Variants in PPP2R2C observed in about 807,000 individuals in gnomAD.
PPP2R2C encodes the protein protein phosphatase 2 regulatory subunit Bgamma.
A neutral mutation model predicts 45.3 loss-of-function variants in PPP2R2C; 10 were observed. The observed-to-expected ratio is 0.22, with a 90% CI of 0.14 to 0.37. The LOEUF is 0.37. Among genes scored for constraint, PPP2R2C ranks in the 10% least tolerant of loss-of-function variants. PPP2R2C has a pLI of 1.00. For synonymous variants in PPP2R2C, 257 were observed against 245.4 expected (o/e 1.05, Z -0.44); for missense variants, 308 against 619.7 (o/e 0.50, Z 5.34).
intron 5 of PPP2R2C, among the ~76,000 whole-genome samples, chr4:6,357,693 C>T (rs1713335044): frequency 6.6e-6 from 1 of 152,176 alleles, no homozygotes; most frequent in Non-Finnish European, 1.5e-5. Flanking sequence ...ATCCCGGTCC[C>T]CCATCCACAG....
rs115620732 is a variant in PPP2R2C at position 6,488,054 on chromosome 4, C to T, written c.49+47217G>A. On this transcript the variant is annotated intron_variant, in intron 2 of 9. Transcript: ENST00000506140. Reference sequence around the variant, plus strand: ...TTTTCATATTATACATTGTAATTTTCATCTGTAGTAGTTTGATTTATGTCT... The same window carrying T: ...TTTTCATATTATACATTGTAATTTTTATCTGTAGTAGTTTGATTTATGTCT... Among the ~76,000 whole-genome samples, 899 of 152,204 alleles carry T rather than the reference C, an allele frequency of 5.9e-3. 7 individuals are homozygous for T. The highest frequency in any genetic ancestry group is 0.021 in the African/African-American group (852 of 41,520).
At chr4:6,366,475 G>T (rs181201011) in intron 5 of PPP2R2C, among the ~76,000 whole-genome samples, 3 of 152,352 alleles carry the variant, frequency 2.0e-5, no homozygotes, top group Non-Finnish European at 2.9e-5. Flanking sequence ...TGGAGCAGGG[G>T]ATGCAGAGAG....
chr4:6,359,640 A>G (rs1336070522), intron 5 of PPP2R2C, among the ~76,000 whole-genome samples: 1 of 145,080 alleles, frequency 6.9e-6, no homozygotes, highest in Non-Finnish European at 1.5e-5. Context: ...AAAAAAAAAG[A>G]AACTCCTTCA....
At chr4:6,327,513 C>A (rs1298939165) in intron 8 of PPP2R2C, among the ~76,000 whole-genome samples, 1 of 152,208 alleles carries the variant, frequency 6.6e-6, no homozygotes, top group Non-Finnish European at 1.5e-5. Flanking sequence ...GGGGACCTAC[C>A]CCGCAAAACG....
chr4:6,414,015 AT>A (rs1718383634), intron 1 of PPP2R2C: 1 of 1,532,332 alleles, frequency 6.5e-7, no homozygotes, highest in Non-Finnish European at 8.7e-7. Flanking sequence ...CCAAAACCAG[AT>A]CTATGTGGCC....
intron 1 of PPP2R2C, among the ~76,000 whole-genome samples, chr4:6,538,759 G>A (rs146170865): frequency 5.4e-4 from 82 of 152,310 alleles, no homozygotes; most frequent in Admixed American, 3.5e-3. Flanking sequence ...ACTTGTTCTC[G>A]TTACAAAGGC....
chr4:6,327,812 G>A (rs1156463478), intron 8 of PPP2R2C, among the ~76,000 whole-genome samples: 1 of 152,158 alleles, frequency 6.6e-6, no homozygotes, highest in Non-Finnish European at 1.5e-5. Flanking sequence ...CCCCTTGCCT[G>A]AGCTCGGGCT....
intron 1 of PPP2R2C, among the ~76,000 whole-genome samples, chr4:6,404,996 T>G (rs535944198): frequency 9.5e-4 from 144 of 152,252 alleles, no homozygotes; most frequent in African/African-American, 3.4e-3. Context: ...GTGACCTCCT[T>G]CCTAGAGTTA....
chr4:6,337,883 T>C (rs1733109557), intron 6 of PPP2R2C, among the ~76,000 whole-genome samples: 1 of 152,158 alleles, frequency 6.6e-6, no homozygotes, highest in Non-Finnish European at 1.5e-5. Context: ...GGAAGGGATA[T>C]TAATAAGCCT....
rs73798203 is a variant in PPP2R2C, at chr4:6,361,926, G to A, written c.625+10597C>T. 4.1e-3 allele frequency among the ~76,000 whole-genome samples: 628 copies of A among 152,300 alleles called. 4 individuals carry two copies. Among genetic ancestry groups the A allele is most frequent in the African/African-American group, 0.012 (514 of 41,562 alleles). ...GGTGCTCATGTCAGAGATTTATAAC[G>A]AGGCCCTGAGATGGTGCAGAGTCAG... On this transcript the variant is annotated intron_variant, in intron 5 of 8. Transcript: ENST00000382599.
At chr4:6,337,112 G>GTGTGTGTGTGTA (rs1202845732) in intron 6 of PPP2R2C, among the ~76,000 whole-genome samples, 3 of 30,102 alleles carry the variant, frequency 1.0e-4, no homozygotes, top group African/African-American at 3.1e-4. Context: ...ATGTGTGTGT[G>GTGTGTGTGTGTA]TATATATATA....
At position 6,472,396 on chromosome 4, in the gene PPP2R2C, G is replaced by T. The variant is rs1279961087; in HGVS notation, c.-167C>A. 7 of 914,378 alleles carry T rather than the reference G, an allele frequency of 7.7e-6. No individual in the cohort carries two copies. The African/African-American group carries it at 1.1e-4, about 14-fold the overall frequency. 56.6% of individuals were successfully genotyped at this position (914,378 alleles called of 1,614,324 possible). ...GGCAGGGGGACGGGCGGGGGCGGCC[G>T]GGGGCGGGCGCCGCGGTCAAGCGAG... On this transcript the variant is annotated 5_prime_UTR_variant, in exon 1 of 9. Transcript: ENST00000382599.
intron 2 of PPP2R2C, among the ~76,000 whole-genome samples, chr4:6,530,415 G>A (rs1350011310): frequency 3.9e-5 from 6 of 152,108 alleles, no homozygotes; most frequent in South Asian, 4.1e-4. Context: ...CAGCAGCCCC[G>A]TGAAACCCTG....
chr4:6,523,148 T>C (rs1364805904), intron 2 of PPP2R2C, among the ~76,000 whole-genome samples: 2 of 152,170 alleles, frequency 1.3e-5, no homozygotes, highest in African/African-American at 4.8e-5. Context: ...GACTGTGCCC[T>C]CAGAGGGGCA....
At position 6,345,338 on chromosome 4, in the gene PPP2R2C, G is replaced by A. The variant is rs1365760064; in HGVS notation, c.790+2508C>T. Among the ~76,000 whole-genome samples the A allele has an allele frequency of 6.6e-6, 1 of 152,182 alleles. No individual in the cohort carries two copies. The highest frequency in any genetic ancestry group is 1.9e-4 in the East Asian group (1 of 5,200). ...GGGGGGGCAGTGTCCTGTAGTAGGC[G>A]GTGGAACGGCCCCCAGAGACGGCTG... On this transcript the variant is annotated intron_variant, in intron 6 of 8. Coordinates refer to ENST00000382599, the MANE Select transcript of PPP2R2C (RefSeq NM_020416.4). This position sits in a 1 kb window ranked among gnomAD's most constrained non-coding sequence, Gnocchi z 5.3.
chr4:6,454,823 A>C (rs916233805), intron 1 of PPP2R2C, among the ~76,000 whole-genome samples: 5 of 152,246 alleles, frequency 3.3e-5, no homozygotes, highest in Non-Finnish European at 5.9e-5. Flanking sequence ...ACCACCTCCC[A>C]GAGTGGACAT....
intron 1 of PPP2R2C, among the ~76,000 whole-genome samples, chr4:6,397,797 G>A (rs1042367511): frequency 6.6e-6 from 1 of 152,224 alleles, no homozygotes; most frequent in African/African-American, 2.4e-5. Context: ...GATTAAATAA[G>A]CGAAAATATG....
At chr4:6,524,056 G>A (rs1438565282) in intron 2 of PPP2R2C, among the ~76,000 whole-genome samples, 2 of 152,006 alleles carry the variant, frequency 1.3e-5, no homozygotes, top group Non-Finnish European at 2.9e-5. Context: ...TGGGATTACA[G>A]GTGCCTGCCA....
intron 1 of PPP2R2C, among the ~76,000 whole-genome samples, chr4:6,403,091 G>C (rs1425775289): frequency 6.6e-6 from 1 of 152,246 alleles, no homozygotes; most frequent in Non-Finnish European, 1.5e-5. Flanking sequence ...GGGCTAATTA[G>C]AACCACTGAG....
Sources: allele counts gnomAD v4.1 joint callset (sites outside exome capture counted in the v4.1 genomes callset), GRCh38; gene constraint gnomAD v4.1.1; non-coding constraint Gnocchi (gnomAD v3.1); transcripts MANE v1.5; gene names NCBI Gene and HGNC (gene_info 2026-07-23, HGNC 2026-07-21).